XRCC4: variants seen among roughly 807,000 people sequenced by gnomAD.
The protein encoded by XRCC4 is X-ray repair cross complementing 4, also known as DNA repair protein XRCC4.
XRCC4 carries 28 observed loss-of-function variants against 39.1 expected under a neutral mutation model. The observed-to-expected ratio is 0.72, with a 90% CI of 0.53 to 0.98. The LOEUF (loss-of-function observed/expected upper bound fraction) is 0.98, where lower values mean the gene tolerates loss of function less well. Among genes scored for constraint, XRCC4 ranks in the 50% least tolerant of loss-of-function variants. The probability of loss-of-function intolerance (pLI) is 0.00; values close to 1 mark genes in which losing one functional copy is unlikely to be tolerated. For synonymous variants in XRCC4, 123 were observed against 126.4 expected, an observed-to-expected ratio of 0.97 and a Z score of 0.18; for missense variants, 350 against 376.4, an observed-to-expected ratio of 0.93 and a Z score of 0.58.
intron 3 of XRCC4, among the ~76,000 whole-genome samples, chr5:83,184,896 A>G (rs1422166365): frequency 2.0e-5 from 3 of 152,070 alleles, no homozygotes; most frequent in African/African-American, 7.2e-5. Flanking sequence ...TTTATTTGCA[A>G]AACCCTTCAC....
chr5:83,302,541 A>G (rs1755327342), intron 7 of XRCC4, among the ~76,000 whole-genome samples: 1 of 152,130 alleles, frequency 6.6e-6, no homozygotes, highest in Non-Finnish European at 1.5e-5. Context: ...ACCAGTCCCA[A>G]TGAGATGAAA....
At chr5:83,273,760 T>G (rs1349205420) in intron 7 of XRCC4, among the ~76,000 whole-genome samples, 2 of 152,332 alleles carry the variant, frequency 1.3e-5, no homozygotes, top group Admixed American at 1.3e-4. Flanking sequence ...GCCTCTGTTC[T>G]GTTGCATTGG....
chr5:83,124,311 C>T (rs188571050), intron 3 of XRCC4, among the ~76,000 whole-genome samples: 19 of 152,172 alleles, frequency 1.2e-4, no homozygotes, highest in African/African-American at 4.3e-4. Flanking sequence ...TGGTAGCCAC[C>T]GATCTGTTTG....
intron 7 of XRCC4, among the ~76,000 whole-genome samples, chr5:83,347,996 T>C (rs1202408427): frequency 6.6e-6 from 1 of 152,216 alleles, no homozygotes; most frequent in Non-Finnish European, 1.5e-5. Context: ...AGCTCCCAGA[T>C]AATCTCCTTT....
At chr5:83,184,646 C>T (rs1291485538) in intron 3 of XRCC4, among the ~76,000 whole-genome samples, 1 of 152,040 alleles carries the variant, frequency 6.6e-6, no homozygotes, top group African/African-American at 2.4e-5. Context: ...TATCCCATAG[C>T]ATGATAATTT....
intron 7 of XRCC4, among the ~76,000 whole-genome samples, chr5:83,260,021 T>A (rs1753695255): frequency 6.6e-6 from 1 of 152,080 alleles, no homozygotes; most frequent in African/African-American, 2.4e-5. Context: ...TCTCCACGAT[T>A]GGCCTGATCT....
chr5:83,297,538 G>C (rs1444511511), intron 7 of XRCC4, among the ~76,000 whole-genome samples: 1 of 151,876 alleles, frequency 6.6e-6, no homozygotes, highest in Admixed American at 6.6e-5. Context: ...ATTTTAAATA[G>C]CTATTAATAT....
intron 1 of XRCC4, among the ~76,000 whole-genome samples, chr5:83,097,050 G>T (rs1745709894): frequency 6.6e-6 from 1 of 152,140 alleles, no homozygotes; most frequent in Non-Finnish European, 1.5e-5. Flanking sequence ...TAACCCAAGG[G>T]TTATACTCAG....
At chr5:83,115,430 A>C (rs1180847182) in intron 3 of XRCC4, among the ~76,000 whole-genome samples, 5 of 151,426 alleles carry the variant, frequency 3.3e-5, no homozygotes, top group Non-Finnish European at 7.4e-5. Context: ...TCTGTCTCAA[A>C]AAACAAACAA....
chr5:83,200,700 T>C (rs928669338), intron 4 of XRCC4, among the ~76,000 whole-genome samples: 1 of 152,182 alleles, frequency 6.6e-6, no homozygotes, highest in Non-Finnish European at 1.5e-5. Flanking sequence ...TTGGTTACCA[T>C]TCCTAAAATT....
intron 3 of XRCC4, among the ~76,000 whole-genome samples, chr5:83,186,058 T>TG (rs1750425113): frequency 6.6e-6 from 1 of 152,118 alleles, no homozygotes; most frequent in Admixed American, 6.5e-5. Context: ...ATGCTTGGGG[T>TG]GGGGAAAGAA....
intron 3 of XRCC4, among the ~76,000 whole-genome samples, chr5:83,178,521 T>C (rs1022360267): frequency 6.6e-6 from 1 of 152,088 alleles, no homozygotes; most frequent in Non-Finnish European, 1.5e-5. Context: ...GCAAGTATGG[T>C]GTCAGAAGCC....
intron 3 of XRCC4, among the ~76,000 whole-genome samples, chr5:83,176,543 A>G (rs914790405): frequency 9.2e-5 from 14 of 152,196 alleles, no homozygotes; most frequent in African/African-American, 2.9e-4. Context: ...TTTGTGACAC[A>G]ATGCCTCCCT....
At chr5:83,154,396 G>A (rs1419870712) in intron 3 of XRCC4, among the ~76,000 whole-genome samples, 1 of 152,152 alleles carries the variant, frequency 6.6e-6, no homozygotes, top group Admixed American at 6.5e-5. Flanking sequence ...ATGTTCATTA[G>A]AGCATTTCAG....
At chr5:83,323,658 T>A (rs1756150993) in intron 7 of XRCC4, among the ~76,000 whole-genome samples, 1 of 152,082 alleles carries the variant, frequency 6.6e-6, no homozygotes, top group Non-Finnish European at 1.5e-5. Flanking sequence ...TAGAGGTCAT[T>A]TTTCTTGTGT....
chr5:83,135,141 G>A (rs1401261723), intron 3 of XRCC4, among the ~76,000 whole-genome samples: 2 of 152,180 alleles, frequency 1.3e-5, no homozygotes, highest in African/African-American at 2.4e-5. Context: ...CCCTTGGCTA[G>A]GAAAGGTAAT....
At chr5:83,192,258 G>A (rs185458133) in intron 3 of XRCC4, among the ~76,000 whole-genome samples, 53 of 138,084 alleles carry the variant, frequency 3.8e-4, no homozygotes, top group Admixed American at 5.8e-4. Flanking sequence ...TTATATATAC[G>A]TATACATATG....
intron 1 of XRCC4, among the ~76,000 whole-genome samples, chr5:83,083,887 T>G (rs1205907899): frequency 2.6e-5 from 4 of 152,194 alleles, no homozygotes; most frequent in Non-Finnish European, 5.9e-5. Flanking sequence ...ATTCGTATAA[T>G]ATTAGATGTA....
chr5:83,082,650 TCA>T (rs1745000046), intron 1 of XRCC4, among the ~76,000 whole-genome samples: 1 of 152,168 alleles, frequency 6.6e-6, no homozygotes, highest in East Asian at 1.9e-4. Context: ...AACTTACAGC[TCA>T]CAGGCTGCCT....
Sources: gnomAD v4.1 joint callset for allele counts (sites outside exome capture counted in the v4.1 genomes callset) on GRCh38, gnomAD v4.1.1 for gene constraint, MANE v1.5 for transcripts, NCBI Gene and HGNC (gene_info 2026-07-23, HGNC 2026-07-21) for gene names.